The following PRKCA variants were observed in gnomAD, a reference collection of about 807,000 sequenced individuals.
The protein encoded by PRKCA is protein kinase C alpha type.
In PRKCA, 27 loss-of-function variants were observed where a neutral mutation model predicts 87.0. That is an observed-to-expected ratio of 0.31 (90% CI 0.23 to 0.43). The LOEUF (loss-of-function observed/expected upper bound fraction) is 0.43. PRKCA is among the 20% of genes least tolerant of loss of function. The pLI is 1.00. For missense variants in PRKCA, 518 were observed against 852.3 expected (o/e 0.61, Z 4.88); for synonymous variants, 329 against 311.1 (o/e 1.06, Z -0.61).
At chr17:66,505,231 C>CGA (rs1232535693) in intron 3 of PRKCA, among the ~76,000 whole-genome samples, 1 of 152,102 alleles carries the variant, frequency 6.6e-6, no homozygotes, top group Non-Finnish European at 1.5e-5. Flanking sequence ...AAATAGCCTC[C>CGA]GAGACTTCTA....
intron 16 of PRKCA, among the ~76,000 whole-genome samples, chr17:66,793,829 C>G (rs116552427): frequency 6.6e-6 from 1 of 152,128 alleles, no homozygotes. Flanking sequence ...AAAGCACTTT[C>G]GGCTTTGCCA....
chr17:66,798,385 GGTGGTGGTGGTGGTGGTGGT>G (rs1975721450), intron 16 of PRKCA, among the ~76,000 whole-genome samples: 1 of 111,468 alleles, frequency 9.0e-6, no homozygotes, highest in Non-Finnish European at 1.8e-5. Context: ...AGGCGGTGGT[GGTGGTGGTGGTGGTGGTGGT>G]GATGGTGATG....
At chr17:66,618,799 T>A (rs1335776335) in intron 3 of PRKCA, among the ~76,000 whole-genome samples, 2 of 152,226 alleles carry the variant, frequency 1.3e-5, no homozygotes, top group East Asian at 1.9e-4. Context: ...GCTGAGAATC[T>A]GAAGAGAATT....
chr17:66,391,914 A>G (rs146230569), intron 2 of PRKCA, among the ~76,000 whole-genome samples: 1 of 152,288 alleles, frequency 6.6e-6, no homozygotes, highest in East Asian at 1.9e-4. Context: ...TTTCAGTCTT[A>G]GGAATAAGAT....
At chr17:66,350,790 G>A (rs1907695262) in intron 2 of PRKCA, among the ~76,000 whole-genome samples, 1 of 152,132 alleles carries the variant, frequency 6.6e-6, no homozygotes, top group African/African-American at 2.4e-5. Context: ...CTCCCAAACT[G>A]CTGGGATTAC....
At position 66,515,656 on chromosome 17, in the gene PRKCA, C is replaced by G. The variant is rs184067242; in HGVS notation, c.288+19373C>G. Among the ~76,000 whole-genome samples the G allele has an allele frequency of 6.4e-3, 973 of 152,194 alleles. 30 individuals carry two copies. Among genetic ancestry groups the G allele is most frequent in the Admixed American group, 0.055 (842 of 15,286 alleles). The stretch of plus-strand genomic sequence containing the variant: ...TCTCTGGGCTCAGGTGATCCTCCCC[C>G]CATCAGTCTCCCAAGTAGCTGGGAC... On this transcript the variant is annotated intron_variant, in intron 3 of 16. Coordinates refer to ENST00000413366, the MANE Select transcript of PRKCA (RefSeq NM_002737.3).
chr17:66,694,909 G>A (rs564979004), intron 8 of PRKCA, among the ~76,000 whole-genome samples: 19 of 151,134 alleles, frequency 1.3e-4, no homozygotes, highest in Non-Finnish European at 1.8e-4. Flanking sequence ...TTGTTTATCC[G>A]TCAGTTGATT....
chr17:66,607,868 T>A (rs986703736), intron 3 of PRKCA, among the ~76,000 whole-genome samples: 5 of 152,198 alleles, frequency 3.3e-5, no homozygotes, highest in African/African-American at 1.2e-4. Flanking sequence ...TACCCTTCAG[T>A]AAAAAGAGGT....
At chr17:66,746,963 G>C (rs1323514676) in intron 13 of PRKCA, among the ~76,000 whole-genome samples, 1 of 152,182 alleles carries the variant, frequency 6.6e-6, no homozygotes, top group Non-Finnish European at 1.5e-5. Context: ...CTCTTGCCTG[G>C]AAGAAAGAGA....
intron 9 of PRKCA, among the ~76,000 whole-genome samples, 188 bp from the exon 10 acceptor site, chr17:66,735,301 G>A (rs1362856720): frequency 6.6e-6 from 1 of 152,196 alleles, no homozygotes; most frequent in East Asian, 1.9e-4. Context: ...TTTTGCAAAT[G>A]CTGGAGGGAC....
At chr17:66,642,904 G>A (rs1971344282) in intron 4 of PRKCA, among the ~76,000 whole-genome samples, 1 of 152,136 alleles carries the variant, frequency 6.6e-6, no homozygotes, top group South Asian at 2.1e-4. Context: ...TAGTCTGGTG[G>A]TGGTGGTCTC....
chr17:66,656,681 AT>A (rs1555632037), intron 5 of PRKCA, among the ~76,000 whole-genome samples: 1 of 152,242 alleles, frequency 6.6e-6, no homozygotes, highest in Non-Finnish European at 1.5e-5. Flanking sequence ...GACGAAATAA[AT>A]AACAGATAAA....
intron 3 of PRKCA, among the ~76,000 whole-genome samples, chr17:66,581,693 T>C (rs1969439601): frequency 6.6e-6 from 1 of 152,136 alleles, no homozygotes; most frequent in Admixed American, 6.5e-5. Flanking sequence ...GCCAGGATGG[T>C]CTCAATCTCC....
intron 2 of PRKCA, among the ~76,000 whole-genome samples, chr17:66,458,638 G>A (rs1016379795): frequency 2.0e-5 from 3 of 151,856 alleles, no homozygotes; most frequent in Non-Finnish European, 4.4e-5. Context: ...GCACCACCAC[G>A]CCCAGCTAAT....
chr17:66,802,500 G>A (rs1203816181), intron 16 of PRKCA, among the ~76,000 whole-genome samples: 1 of 151,930 alleles, frequency 6.6e-6, no homozygotes, highest in Non-Finnish European at 1.5e-5. Context: ...ACTCTAGTCT[G>A]GGCGACAGAG....
chr17:66,348,666 A>G (rs1567783784), intron 2 of PRKCA, among the ~76,000 whole-genome samples: 1 of 152,206 alleles, frequency 6.6e-6, no homozygotes, highest in Non-Finnish European at 1.5e-5. Context: ...AACATAGTCA[A>G]CACCACTATC....
At chr17:66,713,172 C>G (rs1447734540) in intron 8 of PRKCA, among the ~76,000 whole-genome samples, 2 of 150,404 alleles carry the variant, frequency 1.3e-5, no homozygotes, top group Non-Finnish European at 2.9e-5. Context: ...CTGCCTCAGT[C>G]TACCGAGTAG....
chr17:66,305,357 T>G (rs1354645218), intron 1 of PRKCA, among the ~76,000 whole-genome samples: 1 of 152,232 alleles, frequency 6.6e-6, no homozygotes, highest in Non-Finnish European at 1.5e-5. Context: ...CAAGAGATTA[T>G]GACTCTCAAC....
intron 3 of PRKCA, among the ~76,000 whole-genome samples, chr17:66,635,611 G>GT (rs1386604080): frequency 6.6e-6 from 1 of 152,166 alleles, no homozygotes; most frequent in African/African-American, 2.4e-5. Context: ...AGATCAGCGG[G>GT]TTATATATTT....
Sources: gnomAD v4.1 joint callset for allele counts (sites outside exome capture counted in the v4.1 genomes callset) on GRCh38, gnomAD v4.1.1 for gene constraint, MANE v1.5 for transcripts, NCBI Gene and HGNC (gene_info 2026-07-23, HGNC 2026-07-21) for gene names.